DNAH6: variants seen among roughly 807,000 people sequenced by gnomAD.
The protein encoded by DNAH6 is axonemal beta dynein heavy chain 6.
In DNAH6, 340 loss-of-function variants were observed where a neutral mutation model predicts 491.4. That is an observed-to-expected ratio of 0.69 (90% confidence interval 0.63 to 0.76). The LOEUF (loss-of-function observed/expected upper bound fraction) is 0.76, where lower values mean the gene tolerates loss of function less well. DNAH6 is among the 30% of genes least tolerant of loss of function. The pLI, the probability that DNAH6 is intolerant of heterozygous loss-of-function variation, is 0.00. For missense variants in DNAH6, 4,443 were observed against 4,972.2 expected (o/e 0.89, Z 3.20); for synonymous variants, 1,603 against 1,686.1 (o/e 0.95, Z 1.21).
chr2:84,487,743 C>T, the DNAH6 span, among the ~76,000 whole-genome samples: 1 of 152,112 alleles, frequency 6.6e-6, no homozygotes, highest in Non-Finnish European at 1.5e-5. Flanking sequence ...ATATTTGGGC[C>T]CACTGGTGGA....
At chr2:84,463,772 CA>C in the DNAH6 span, among the ~76,000 whole-genome samples, 1 of 152,146 alleles carries the variant, frequency 6.6e-6, no homozygotes, top group African/African-American at 2.4e-5. Flanking sequence ...TAATGAGTTT[CA>C]ATCTGTTGGA....
chr2:84,621,582 C>A, intron 26 of DNAH6, 31 bp downstream of exon 26: 1 of 1,366,236 alleles, frequency 7.3e-7, no homozygotes, highest in Non-Finnish European at 1.0e-6. Flanking sequence ...ACATTGTTGT[C>A]CTGCAAGATG....
intron 11 of DNAH6, among the ~76,000 whole-genome samples, chr2:84,560,443 CT>C (rs66763177): frequency 0.82 from 121,123 of 147,720 alleles, 51,895 homozygotes; most frequent in East Asian, 0.99. Flanking sequence ...AAATAGTTTT[CT>C]TTTTTTTTTC....
Position 84,625,008 on chromosome 2 carries a change from AAGCT to A in DNAH6, c.4461_4464del (p.Lys1487AsnfsTer19). 1 of 1,551,558 alleles carries A rather than the reference AAGCT, an allele frequency of 6.4e-7. No individual in the cohort carries two copies. Among genetic ancestry groups the A allele is most frequent in the Non-Finnish European group, 8.7e-7 (1 of 1,146,890 alleles). On this transcript the variant is annotated frameshift_variant, in exon 29 of 77. Transcript: ENST00000389394. LOFTEE classifies it high-confidence loss of function. ...ACAGAGACTACCAAAGATCTGGCAAAAGCTCTTGCCATCCAGTGTGTGGTCTTTA... is the reference window on the plus strand; with the variant it reads ...ACAGAGACTACCAAAGATCTGGCAAACTTGCCATCCAGTGTGTGGTCTTTA...
intron 56 of DNAH6, 35 bp from the exon 57 acceptor site, chr2:84,713,060 T>G: frequency 6.6e-7 from 1 of 1,521,436 alleles, no homozygotes; most frequent in Non-Finnish European, 8.8e-7. Flanking sequence ...TAATTGCTTC[T>G]TTTTGTATTG....
chr2:84,640,684 T>A, intron 32 of DNAH6, 106 bp downstream of exon 32: 1 of 1,100,150 alleles, frequency 9.1e-7, no homozygotes, highest in Non-Finnish European at 1.3e-6. Context: ...TAATAAATGT[T>A]GGCTGCTGCT....
At chr2:84,735,014 T>TACTCAATA (rs1387362919) in intron 62 of DNAH6, among the ~76,000 whole-genome samples, 1 of 152,188 alleles carries the variant, frequency 6.6e-6, no homozygotes, top group East Asian at 1.9e-4. Flanking sequence ...GTGAACATAG[T>TACTCAATA]ACTCAATAAG....
intron 56 of DNAH6, among the ~76,000 whole-genome samples, chr2:84,710,754 G>A (rs927256877): frequency 9.9e-5 from 15 of 151,936 alleles, no homozygotes; most frequent in African/African-American, 2.9e-4. Context: ...ATAATGATGC[G>A]AAGCCAGTAA....
At chr2:84,521,042 T>C (rs2104412282) in intron 2 of DNAH6, among the ~76,000 whole-genome samples, 1 of 152,190 alleles carries the variant, frequency 6.6e-6, no homozygotes, top group Non-Finnish European at 1.5e-5. Flanking sequence ...TTATTTGTCA[T>C]ATTACAAATA....
intron 69 of DNAH6, among the ~76,000 whole-genome samples, chr2:84,796,957 T>C (rs1236443885): frequency 1.3e-5 from 2 of 151,946 alleles, no homozygotes; most frequent in African/African-American, 4.8e-5. Context: ...TTATTATGAG[T>C]CAGACAGCAA....
At chr2:84,669,593 T>G in intron 38 of DNAH6, 83 bp downstream of exon 38, 2 of 1,198,254 alleles carry the variant, frequency 1.7e-6, no homozygotes, top group Non-Finnish European at 2.4e-6. Flanking sequence ...AGAAGTAATA[T>G]TATTTCTGAG....
At chr2:84,586,634 G>A (rs1462051754) in intron 15 of DNAH6, among the ~76,000 whole-genome samples, 1 of 152,142 alleles carries the variant, frequency 6.6e-6, no homozygotes, top group Non-Finnish European at 1.5e-5. Context: ...ATATTCTTAT[G>A]TATGTCTTCA....
At chr2:84,539,439 A>AGCT (rs902026321) in intron 4 of DNAH6, among the ~76,000 whole-genome samples, 3 of 152,134 alleles carry the variant, frequency 2.0e-5, no homozygotes, top group African/African-American at 7.2e-5. Flanking sequence ...TCTTAGCCTT[A>AGCT]GCTGCTCATT....
At chr2:84,685,850 T>C (rs1254788355) in intron 43 of DNAH6, among the ~76,000 whole-genome samples, 1 of 151,986 alleles carries the variant, frequency 6.6e-6, no homozygotes, top group African/African-American at 2.4e-5. Context: ...TTATAAAGTT[T>C]TAAGTAGAGG....
rs572890040 is a variant in DNAH6 at position 84,796,875 on chromosome 2, A to T, written c.11359+450A>T. Among the ~76,000 whole-genome samples the T allele has an allele frequency of 6.0e-4, 92 of 152,248 alleles. 6 individuals are homozygous for T. In the South Asian group the frequency reaches 0.016, roughly 27 times the overall value. Reference sequence around the variant, plus strand: ...TTATTACTACTATATAAAAGTTTTTAAAAAAATAAAGAAAAGAAAATGTCT... The same window carrying T: ...TTATTACTACTATATAAAAGTTTTTTAAAAAATAAAGAAAAGAAAATGTCT... On this transcript the variant is annotated intron_variant, in intron 69 of 76. Coordinates refer to ENST00000389394, the MANE Select transcript of DNAH6 (RefSeq NM_001370.2).
the DNAH6 span, among the ~76,000 whole-genome samples, chr2:84,501,791 T>C: frequency 6.6e-6 from 1 of 150,492 alleles, no homozygotes; most frequent in African/African-American, 2.4e-5. Flanking sequence ...TTCATTTTTC[T>C]ACATTTTCCA....
At chr2:84,649,175 G>A (rs1200261995) in intron 33 of DNAH6, among the ~76,000 whole-genome samples, 6 of 152,188 alleles carry the variant, frequency 3.9e-5, no homozygotes, top group Non-Finnish European at 7.4e-5. Context: ...AGTATAGCAT[G>A]AAGATTAATT....
chr2:84,651,314 C>T (rs902058208), intron 33 of DNAH6, among the ~76,000 whole-genome samples: 3 of 152,172 alleles, frequency 2.0e-5, no homozygotes, highest in African/African-American at 7.2e-5. Context: ...CATTACTTCC[C>T]AGTGAGGATG....
intron 35 of DNAH6, among the ~76,000 whole-genome samples, chr2:84,656,756 C>T (rs1424468761): frequency 2.6e-5 from 4 of 151,998 alleles, no homozygotes; most frequent in African/African-American, 9.6e-5. Flanking sequence ...ATTTTCTTAA[C>T]AATACTCCGG....
Sources: allele counts gnomAD v4.1 joint callset (sites outside exome capture counted in the v4.1 genomes callset), GRCh38; gene constraint gnomAD v4.1.1; transcripts MANE v1.5; gene names NCBI Gene and HGNC (gene_info 2026-07-23, HGNC 2026-07-21).